TXNDC16: variants seen among roughly 807,000 people sequenced by gnomAD.
TXNDC16 encodes the protein thioredoxin domain-containing protein 16.
In TXNDC16, 74 loss-of-function variants were observed where a neutral mutation model predicts 85.6. The observed-to-expected ratio is 0.86, with a 90% CI of 0.72 to 1.05. The LOEUF is 1.05. Among genes scored for constraint, TXNDC16 ranks in the 50% least tolerant of loss-of-function variants. The pLI, the probability that TXNDC16 is intolerant of heterozygous loss-of-function variation, is 0.00. For missense variants in TXNDC16, 959 were observed against 947.0 expected (o/e 1.01, Z -0.17); for synonymous variants, 335 against 326.5 (o/e 1.03, Z -0.28).
Position 52,506,706 on chromosome 14 carries a change from G to A in TXNDC16, c.756+4534C>T, listed in dbSNP as rs201985204. On this transcript the variant is annotated intron_variant, in intron 9 of 20. Coordinates refer to ENST00000281741, the MANE Select transcript of TXNDC16 (RefSeq NM_020784.3). ...CGAGTAGCTGGGACTACAGGCGCCC[G>A]CCACCGCGCCCGGCTAATTTTCTGT... Among the ~76,000 whole-genome samples the A allele has an allele frequency of 9.6e-4, 138 of 143,138 alleles. 14 individuals carry two copies. In the East Asian group the frequency reaches 0.026, roughly 27 times the overall value. 93.9% of individuals were successfully genotyped at this position (143,138 alleles called of 152,430 possible).
Position 52,432,180 on chromosome 14 carries a change from CTTATA to C in TXNDC16, c.*119_*123del, listed in dbSNP as rs937396601. The C allele has an allele frequency of 2.2e-5, 17 of 789,340 alleles. No individual in the cohort carries two copies. Among genetic ancestry groups the C allele is most frequent in the Admixed American group, 1.1e-4 (3 of 26,846 alleles). 48.9% of individuals were successfully genotyped at this position (789,340 alleles called of 1,614,324 possible). A position where few individuals can be genotyped will look rare whatever the true frequency, so the allele number is the denominator to read the frequency against. On this transcript the variant is annotated 3_prime_UTR_variant, in exon 21 of 21. Transcript: ENST00000281741. ...AGAAAATTTTAAATAAAATATGTGA[CTTATA>C]TTATAATTCTATTGGATGGCACTAG...
At chr14:52,507,665 A>T (rs921394654) in intron 9 of TXNDC16, among the ~76,000 whole-genome samples, 10 of 152,210 alleles carry the variant, frequency 6.6e-5, no homozygotes, top group African/African-American at 2.4e-4. Context: ...TTCAAACTAT[A>T]CTACAAGGCT....
At chr14:52,489,052 T>G (rs1298595927) in intron 11 of TXNDC16, among the ~76,000 whole-genome samples, 7 of 152,198 alleles carry the variant, frequency 4.6e-5, no homozygotes, top group Non-Finnish European at 8.8e-5. Context: ...CACATTATAC[T>G]GAAGTCTGTA....
chr14:52,519,829 T>A (rs927332066), intron 6 of TXNDC16, among the ~76,000 whole-genome samples: 1 of 152,242 alleles, frequency 6.6e-6, no homozygotes. Context: ...TTAAACATCG[T>A]TGCCTCAGAG....
At chr14:52,505,054 T>C (rs1212266757) in intron 9 of TXNDC16, among the ~76,000 whole-genome samples, 3 of 151,762 alleles carry the variant, frequency 2.0e-5, no homozygotes, top group African/African-American at 4.8e-5. Flanking sequence ...AATATAGGAG[T>C]AACCAGATTC....
intron 12 of TXNDC16, among the ~76,000 whole-genome samples, chr14:52,484,620 C>T (rs575273724): frequency 1.3e-5 from 2 of 152,322 alleles, no homozygotes; most frequent in African/African-American, 4.8e-5. Context: ...TGGCTCACAC[C>T]TGTAATCCCA....
rs555104574 is a variant in TXNDC16, at chr14:52,512,078, C to T, written c.606-688G>A. Among the ~76,000 whole-genome samples the T allele has an allele frequency of 7.9e-5, 12 of 152,160 alleles. No homozygotes were observed. In the South Asian group the frequency reaches 2.3e-3, roughly 29 times the overall value. ...ACTACAAAATTTTATTTTTAAAATG[C>T]TATTTTAATTCTTGAGACATATTTA... On this transcript the variant is annotated intron_variant, in intron 8 of 20. Coordinates refer to ENST00000281741, the MANE Select transcript of TXNDC16 (RefSeq NM_020784.3).
At chr14:52,455,486 A>C in intron 17 of TXNDC16, 24 bp from the exon 18 acceptor site, 1 of 1,612,494 alleles carries the variant, frequency 6.2e-7, no homozygotes, top group African/African-American at 1.3e-5. Flanking sequence ...CAGTATTAAA[A>C]TTCACGATCA....
intron 16 of TXNDC16, among the ~76,000 whole-genome samples, chr14:52,460,916 G>T (rs2035638553): frequency 6.6e-6 from 1 of 151,870 alleles, no homozygotes; most frequent in Admixed American, 6.6e-5. Context: ...CAATTCTAAA[G>T]CTGATTTTAA....
chr14:52,490,644 T>C (rs2036378980), intron 10 of TXNDC16, among the ~76,000 whole-genome samples, 193 bp from the exon 11 acceptor site: 1 of 152,166 alleles, frequency 6.6e-6, no homozygotes, highest in Admixed American at 6.5e-5. Flanking sequence ...CCATCTTTAT[T>C]TAGCAAGGTT....
At chr14:52,498,049 A>G (rs1206566822) in intron 9 of TXNDC16, among the ~76,000 whole-genome samples, 2 of 152,206 alleles carry the variant, frequency 1.3e-5, no homozygotes, top group Non-Finnish European at 2.9e-5. Context: ...GACAAAAATC[A>G]CATGGTCATT....
chr14:52,502,379 G>A (rs9972115), intron 9 of TXNDC16, among the ~76,000 whole-genome samples: 5,099 of 152,212 alleles, frequency 0.033, 257 homozygotes, highest in African/African-American at 0.12. Context: ...TTAGAGCAGG[G>A]TCACCTGCAT....
intron 7 of TXNDC16, among the ~76,000 whole-genome samples, chr14:52,515,504 GT>G (rs1183082153): frequency 6.6e-6 from 1 of 151,472 alleles, no homozygotes; most frequent in African/African-American, 2.4e-5. Context: ...TTCTGGGTTA[GT>G]TTTTTTTAAT....
At position 52,431,683 on chromosome 14, in the gene TXNDC16, A is replaced by G. The variant is rs1196905127; in HGVS notation, c.*621T>C. The G allele has an allele frequency of 1.3e-5, 2 of 152,260 alleles. No individual in the cohort carries two copies. The highest frequency in any genetic ancestry group is 6.5e-5 in the Admixed American group (1 of 15,284). The allele number at this position is 152,260 out of a possible 1,614,324, so 9.4% of individuals were successfully genotyped here. A position where few individuals can be genotyped will look rare whatever the true frequency, so the allele number is the denominator to read the frequency against. ...AGGATCCCTGGCCTCTACTCACTAA[A>G]TGTCAATAACTGCCCTAGTCATGAC... is the stretch of plus-strand genomic sequence containing the variant. On this transcript the variant is annotated 3_prime_UTR_variant, in exon 21 of 21. Transcript: ENST00000281741.
At chr14:52,529,651 T>A (rs866362492) in intron 6 of TXNDC16, among the ~76,000 whole-genome samples, 39 of 100,800 alleles carry the variant, frequency 3.9e-4, no homozygotes, top group South Asian at 8.3e-4. Flanking sequence ...ATTATATATA[T>A]TATATATAAT....
chr14:52,504,778 A>T (rs1037296130), intron 9 of TXNDC16, among the ~76,000 whole-genome samples: 87 of 152,236 alleles, frequency 5.7e-4, no homozygotes, highest in African/African-American at 1.9e-3. Flanking sequence ...AGCCTGGCAA[A>T]TTGGATAAAG....
intron 11 of TXNDC16, 28 bp from the exon 12 acceptor site, chr14:52,488,514 G>A: frequency 6.5e-7 from 1 of 1,543,648 alleles, no homozygotes; most frequent in Non-Finnish European, 8.9e-7. Context: ...TTTAAAAAAT[G>A]AATATAGCAA....
At chr14:52,516,935 T>C (rs1351513417) in intron 7 of TXNDC16, among the ~76,000 whole-genome samples, 2 of 152,162 alleles carry the variant, frequency 1.3e-5, no homozygotes, top group Non-Finnish European at 2.9e-5. Context: ...ATTATCCAGG[T>C]AGATCATCCT....
intron 6 of TXNDC16, among the ~76,000 whole-genome samples, chr14:52,520,227 T>G (rs1256945918): frequency 6.6e-6 from 1 of 152,224 alleles, no homozygotes; most frequent in East Asian, 1.9e-4. Flanking sequence ...TCAGTCCTAG[T>G]CCAGTAATCT....
Sources: allele counts gnomAD v4.1 joint callset (sites outside exome capture counted in the v4.1 genomes callset), GRCh38; gene constraint gnomAD v4.1.1; transcripts MANE v1.5; gene names NCBI Gene and HGNC (gene_info 2026-07-23, HGNC 2026-07-21).